The following NAV2 variants were observed in gnomAD, a reference collection of about 807,000 sequenced individuals.
NAV2 encodes neuron navigator 2.
Under a neutral mutation model 223.2 loss-of-function variants are expected in NAV2, and 54 were observed. The observed-to-expected ratio is 0.24, with a 90% confidence interval of 0.19 to 0.30. NAV2 has a LOEUF of 0.30. Ranked by LOEUF, NAV2 falls within the 10% of genes least tolerant of loss-of-function variation. NAV2 has a pLI of 1.00. For synonymous variants in NAV2, 1,279 were observed against 1,239.3 expected (o/e 1.03, Z -0.67); for missense variants, 2,806 against 3,147.5 (o/e 0.89, Z 2.60).
intron 20 of NAV2, among the ~76,000 whole-genome samples, chr11:20,063,517 C>T (rs535564564): frequency 6.6e-6 from 1 of 152,102 alleles, no homozygotes; most frequent in African/African-American, 2.4e-5. Flanking sequence ...GGATTACAGG[C>T]AGGCACCACC....
At chr11:20,104,434 C>T (rs959188518) in intron 34 of NAV2, 1 of 152,550 alleles carries the variant, frequency 6.6e-6, no homozygotes, top group Non-Finnish European at 1.5e-5. Flanking sequence ...ACTGGCCATT[C>T]TATGGGCATC....
At chr11:19,446,517 G>A (rs1213146035) in intron 1 of NAV2, among the ~76,000 whole-genome samples, 1 of 152,156 alleles carries the variant, frequency 6.6e-6, no homozygotes, top group Non-Finnish European at 1.5e-5. Flanking sequence ...GCTCTCCAGA[G>A]AATGGAGTTT....
intron 3 of NAV2, among the ~76,000 whole-genome samples, chr11:19,863,490 T>C (rs575981084): frequency 6.6e-6 from 1 of 152,318 alleles, no homozygotes; most frequent in East Asian, 1.9e-4. Flanking sequence ...TTCTCTTTAT[T>C]CCTTCAGTAA....
chr11:19,904,722 A>G (rs2042727971), intron 6 of NAV2, among the ~76,000 whole-genome samples: 2 of 152,104 alleles, frequency 1.3e-5, no homozygotes, highest in South Asian at 4.2e-4. Context: ...TTGGCTCCAT[A>G]TGTATATTGT....
intron 1 of NAV2, among the ~76,000 whole-genome samples, chr11:19,535,796 A>C (rs16936928): frequency 0.074 from 11,270 of 152,138 alleles, 1,422 homozygotes; most frequent in African/African-American, 0.26. Flanking sequence ...CAGCGTGGGG[A>C]TCCATCTTCT....
intron 6 of NAV2, among the ~76,000 whole-genome samples, chr11:19,915,428 G>A (rs1020415198): frequency 5.3e-5 from 8 of 152,216 alleles, no homozygotes; most frequent in Middle Eastern, 3.4e-3. Context: ...ATAAGACTCC[G>A]TGAGCTGGCC....
chr11:19,788,458 A>G (rs1213611815), intron 1 of NAV2, among the ~76,000 whole-genome samples: 2 of 152,152 alleles, frequency 1.3e-5, no homozygotes, highest in Non-Finnish European at 2.9e-5. Flanking sequence ...TCCCCAGTAG[A>G]TCTAAAGTCC....
At chr11:19,447,571 A>C (rs1851630838) in intron 1 of NAV2, among the ~76,000 whole-genome samples, 2 of 152,238 alleles carry the variant, frequency 1.3e-5, no homozygotes, top group South Asian at 4.1e-4. Flanking sequence ...CCCTTAGCTC[A>C]CGGTCTAGCA....
At chr11:19,941,808 A>G (rs1016211199) in intron 8 of NAV2, among the ~76,000 whole-genome samples, 3 of 152,128 alleles carry the variant, frequency 2.0e-5, no homozygotes, top group Admixed American at 6.5e-5. Flanking sequence ...GCTGTTGTTG[A>G]CGGCTTCAGC....
At chr11:19,714,849 C>A (rs755405621) in intron 1 of NAV2, among the ~76,000 whole-genome samples, 1 of 152,176 alleles carries the variant, frequency 6.6e-6, no homozygotes, top group Non-Finnish European at 1.5e-5. Context: ...CTCCCCGCTC[C>A]ATTTCCCCCT....
At chr11:19,668,285 C>G (rs1302121918) in intron 1 of NAV2, among the ~76,000 whole-genome samples, 1 of 152,192 alleles carries the variant, frequency 6.6e-6, no homozygotes, top group Non-Finnish European at 1.5e-5. Context: ...CGCCTGTAAT[C>G]TCAGCACTTT....
intron 1 of NAV2, among the ~76,000 whole-genome samples, chr11:19,374,402 C>A (rs1286497038): frequency 2.0e-5 from 3 of 149,320 alleles, no homozygotes; most frequent in Non-Finnish European, 4.4e-5. Flanking sequence ...TAGTGCCTGG[C>A]ACTTGGTTGC....
At chr11:19,597,623 G>A (rs1413247552) in intron 1 of NAV2, among the ~76,000 whole-genome samples, 6 of 152,240 alleles carry the variant, frequency 3.9e-5, no homozygotes, top group Non-Finnish European at 8.8e-5. Context: ...ATTACTGCCT[G>A]CCGTATAGGT....
At chr11:20,010,280 A>G (rs975463924) in intron 11 of NAV2, among the ~76,000 whole-genome samples, 2 of 151,874 alleles carry the variant, frequency 1.3e-5, no homozygotes, top group Admixed American at 6.6e-5. Context: ...GACTGGGGGG[A>G]AAATGGAATT....
chr11:19,346,801 C>G (rs1163103884), upstream of NAV2, among the ~76,000 whole-genome samples: 1 of 152,190 alleles, frequency 6.6e-6, no homozygotes, highest in African/African-American at 2.4e-5. Flanking sequence ...CACCATGCCT[C>G]CTTGGTTCTC....
chr11:19,932,209 A>G (rs2045414224), intron 6 of NAV2, among the ~76,000 whole-genome samples: 1 of 130,780 alleles, frequency 7.6e-6, no homozygotes, highest in Non-Finnish European at 1.6e-5. Context: ...CCCACAGTGA[A>G]CCCATTGCAT....
intron 5 of NAV2, among the ~76,000 whole-genome samples, chr11:19,883,416 A>G (rs2063340321): frequency 6.6e-6 from 1 of 152,170 alleles, no homozygotes; most frequent in Admixed American, 6.5e-5. Flanking sequence ...CACCCTGTGA[A>G]ATTCCCCACT....
At chr11:19,625,715 T>C (rs2047150418) in intron 1 of NAV2, among the ~76,000 whole-genome samples, 1 of 152,216 alleles carries the variant, frequency 6.6e-6, no homozygotes, top group African/African-American at 2.4e-5. Context: ...CATTTGTTCT[T>C]CTTTTTCTTT....
intron 4 of NAV2, among the ~76,000 whole-genome samples, chr11:19,879,047 ACT>A (rs1462509811): frequency 6.6e-6 from 1 of 151,626 alleles, no homozygotes; most frequent in African/African-American, 2.4e-5. Context: ...CCAGAACTTC[ACT>A]CTCAGGATCT....
Sources: allele counts gnomAD v4.1 joint callset (sites outside exome capture counted in the v4.1 genomes callset), GRCh38; gene constraint gnomAD v4.1.1; transcripts MANE v1.5; gene names NCBI Gene and HGNC (gene_info 2026-07-23, HGNC 2026-07-21).